Variants in NSMF observed in about 807,000 individuals in gnomAD.
The protein encoded by NSMF is NMDA receptor synaptonuclear signaling and neuronal migration factor, also known as nasal embryonic LHRH factor.
Under a neutral mutation model 71.0 loss-of-function variants are expected in NSMF, and 31 were observed. That is an observed-to-expected ratio of 0.44 (90% CI 0.33 to 0.59). The LOEUF (loss-of-function observed/expected upper bound fraction) is 0.59. NSMF is among the 20% of genes least tolerant of loss of function. The pLI is 0.04. For missense variants in NSMF, 673 were observed against 740.5 expected (o/e 0.91, Z 1.06); for synonymous variants, 345 against 287.1 (o/e 1.20, Z -2.04).
At chr9:137,458,577 AGGCCAC>A (rs1392847467) in intron 1 of NSMF, 28 bp from the exon 2 acceptor site, 3 of 1,571,718 alleles carry the variant, frequency 1.9e-6, no homozygotes, top group Non-Finnish European at 2.6e-6. Flanking sequence ...GCACGGTCAG[AGGCCAC>A]GGCACGACCC....
rs1057052357 is a variant in NSMF, at chr9:137,453,469, G to A, written c.922+262C>T. On this transcript the variant is annotated intron_variant, in intron 8 of 15. Transcript: ENST00000371475. The surrounding 1 kb of genome is among the most constrained non-coding windows in gnomAD (Gnocchi z 4.5). Reference sequence around the variant, plus strand: ...CTGGGAGGGAGTGGGGGCGGGCACCGCAGCCCCCTGCCCCTGAGGGCCTCT... The same window carrying A: ...CTGGGAGGGAGTGGGGGCGGGCACCACAGCCCCCTGCCCCTGAGGGCCTCT... 11 of 597,906 alleles carry A rather than the reference G, an allele frequency of 1.8e-5. No individual in the cohort carries two copies. In the African/African-American group the frequency reaches 1.9e-4, roughly 10 times the overall value. The allele number at this position is 597,906 out of a possible 1,614,324, so 37.0% of individuals were successfully genotyped here. A position where few individuals can be genotyped will look rare whatever the true frequency, so the allele number is the denominator to read the frequency against.
chr9:137,449,995 G>A lies in NSMF; in HGVS notation c.1347C>T (p.Ser449=), dbSNP rs201898743. 5.8e-4 allele frequency: 936 copies of A among 1,613,132 alleles called. 23 individuals are homozygous for A. The South Asian group carries it at 9.6e-3, about 17-fold the overall frequency. The change falls in exon 14 of 16, where the codon AGC becomes AGT. Residue 449 remains serine (S), a synonymous_variant. Coordinates refer to ENST00000371475, the MANE Select transcript of NSMF (RefSeq NM_001130969.3). ...TGACGTTCGGCTCTGGGTTCACTTT[G>A]CTCATCAGGCGGCTCAGCCGCTTCC... ...HFWKRLSRLM[S]KVNPEPNVIH...
Position 137,450,818 on chromosome 9 carries a change from C to T in NSMF, c.1237-563G>A, listed in dbSNP as rs142136204. 1.2e-3 allele frequency among the ~76,000 whole-genome samples: 35 copies of T among 30,128 alleles called. 1 individual carries two copies. Among genetic ancestry groups the T allele is most frequent in the Middle Eastern group, 0.024 (2 of 84 alleles). The allele number at this position is 30,128 out of a possible 152,430, so 19.8% of individuals were successfully genotyped here. A position where few individuals can be genotyped will look rare whatever the true frequency, so the allele number is the denominator to read the frequency against. ...ACACGCTCTTCTCCTTGATCTCCCC[C>T]CAATGCCTCTTCCCCTTGACCTGCC... On this transcript the variant is annotated intron_variant, in intron 12 of 15. Transcript: ENST00000371475.
Position 137,449,093 on chromosome 9 carries a change from C to A in NSMF, c.*301G>T. On this transcript the variant is annotated 3_prime_UTR_variant, in exon 16 of 16. Coordinates refer to ENST00000371475, the MANE Select transcript of NSMF (RefSeq NM_001130969.3). ...GAAATTGCACTTATTTCTATGAACC[C>A]CATGGAGGGATGCCCACAGCTGAGC... 1.8e-6 allele frequency: 1 copy of A among 546,548 alleles called. No individual in the cohort carries two copies. The allele number at this position is 546,548 out of a possible 1,614,324, so 33.9% of individuals were successfully genotyped here.
intron 6 of NSMF, 120 bp downstream of exon 6, chr9:137,455,119 G>A (rs1445010998): frequency 5.4e-6 from 6 of 1,101,542 alleles, no homozygotes; most frequent in African/African-American, 3.1e-5. Context: ...CCCAGAGCAG[G>A]GCCAGGCCAG....
chr9:137,449,912 G>T lies in NSMF; in HGVS notation c.1419+11C>A. 2 of 1,605,400 alleles carry T rather than the reference G, an allele frequency of 1.2e-6. No individual in the cohort carries two copies. The highest frequency in any genetic ancestry group is 1.7e-6 in the Non-Finnish European group (2 of 1,173,058). Reference sequence around the variant, plus strand: ...CCAGAGGTCTGGGGTGGGGCTTGGGGGTCACTGTACCTTCTCTCCATTGGG... The same window carrying T: ...CCAGAGGTCTGGGGTGGGGCTTGGGTGTCACTGTACCTTCTCTCCATTGGG... On this transcript the variant is annotated intron_variant, in intron 14 of 15. Transcript: ENST00000371475.
chr9:137,454,520 T>G (rs780710166), intron 6 of NSMF, 77 bp from the exon 7 acceptor site: 1 of 1,549,362 alleles, frequency 6.5e-7, no homozygotes, highest in Non-Finnish European at 8.7e-7. Flanking sequence ...CCCCGTCGGG[T>G]CATGGCTCTA....
chr9:137,453,986 G>A lies in NSMF; in HGVS notation c.833-166C>T, dbSNP rs1830691166. ...GGACCAGAGGCTCGGTTGGTTCAGGGGCAGGATCTGAGAACACTGGGGCAG... is the reference window on the plus strand; with the variant it reads ...GGACCAGAGGCTCGGTTGGTTCAGGAGCAGGATCTGAGAACACTGGGGCAG... On this transcript the variant is annotated intron_variant, in intron 7 of 15. Coordinates refer to ENST00000371475, the MANE Select transcript of NSMF (RefSeq NM_001130969.3). This position sits in a 1 kb window ranked among gnomAD's most constrained non-coding sequence, Gnocchi z 4.5. 6.6e-6 allele frequency among the ~76,000 whole-genome samples: 1 copy of A among 151,982 alleles called. No homozygotes were observed.
In NSMF at chr9:137,449,638, T is replaced by C; in HGVS notation, c.1456A>G (p.Arg486Gly). The change falls in exon 15 of 16, where the codon AGG becomes GGG. Residue 486 changes from arginine to glycine, a missense_variant. Arg to Gly is a moderately radical substitution (Grantham distance 125). Around this residue, in one of 2 missense-constraint regions of NSMF, gnomAD observed 202 missense variants for 280.8 expected, o/e 0.72. Transcript: ENST00000371475. Reference protein sequence around the residue: ...QNLRTLMTPYRVTFESPLELS... With the variant: ...QNLRTLMTPYGVTFESPLELS... Reference sequence around the variant, plus strand: ...TCCAGGGGTGACTCGAAGGTGACCCTATAAGGAGTCATGAGGGTCCTGAGG... The same window carrying C: ...TCCAGGGGTGACTCGAAGGTGACCCCATAAGGAGTCATGAGGGTCCTGAGG... 3 of 1,612,566 alleles carry C rather than the reference T, an allele frequency of 1.9e-6. No homozygotes were observed. The highest frequency in any genetic ancestry group is 2.5e-6 in the Non-Finnish European group (3 of 1,179,746).
chr9:137,458,735 G>A (rs558323324), intron 1 of NSMF, among the ~76,000 whole-genome samples, 186 bp from the exon 2 acceptor site: 1 of 152,136 alleles, frequency 6.6e-6, no homozygotes, highest in Non-Finnish European at 1.5e-5. Flanking sequence ...CTGCAGGCCC[G>A]GCCCCTGCCC....
chr9:137,454,396 G>T lies in NSMF; in HGVS notation c.827C>A (p.Ala276Asp). ...CCCGCCGCACGGGGTCTTACTCTGGGCCTTCACCCTCCGGCTGCCGACCAT... is the reference window on the plus strand; with the variant it reads ...CCCGCCGCACGGGGTCTTACTCTGGTCCTTCACCCTCCGGCTGCCGACCAT... ...LRMVGSRRVK[A>D]QTFAERRERS... Residue 276 changes from alanine to aspartate, a missense_variant, in exon 7 of 16, where the codon GCC becomes GAC. Ala to Asp is a moderately radical substitution (Grantham distance 126). Around this residue, in one of 2 missense-constraint regions of NSMF, gnomAD observed 471 missense variants for 459.6 expected, o/e 1.02. Transcript: ENST00000371475. The T allele has an allele frequency of 6.5e-7, 1 of 1,550,242 alleles. No homozygotes were observed. Among genetic ancestry groups the T allele is most frequent in the Non-Finnish European group, 8.7e-7 (1 of 1,146,868 alleles).
In NSMF at chr9:137,453,611, A is replaced by G. The variant is rs1019207575; in HGVS notation, c.922+120T>C. 4.0e-6 allele frequency: 3 copies of G among 741,370 alleles called. No individual in the cohort carries two copies. Among genetic ancestry groups the G allele is most frequent in the Non-Finnish European group, 6.5e-6 (3 of 464,424 alleles). 45.9% of individuals were successfully genotyped at this position (741,370 alleles called of 1,614,324 possible). ...GGGCGTCCCCATCTCACAAACAGGT[A>G]AACCAAGATTCAGGAGTGCAAAAGC... is the stretch of plus-strand genomic sequence containing the variant. On this transcript the variant is annotated intron_variant, in intron 8 of 15. Transcript: ENST00000371475. The surrounding 1 kb of genome is among the most constrained non-coding windows in gnomAD (Gnocchi z 4.5).
At chr9:137,456,508 G>C (rs528113514) in intron 3 of NSMF, 22 bp from the exon 4 acceptor site, 1 of 1,539,444 alleles carries the variant, frequency 6.5e-7, no homozygotes, top group Non-Finnish European at 9.0e-7. Flanking sequence ...AAAAAGGAGC[G>C]GTGGCTGGGT....
Position 137,453,659 on chromosome 9 carries a change from G to T in NSMF, c.922+72C>A. On this transcript the variant is annotated intron_variant, in intron 8 of 15. Coordinates refer to ENST00000371475, the MANE Select transcript of NSMF (RefSeq NM_001130969.3). This position sits in a 1 kb window ranked among gnomAD's most constrained non-coding sequence, Gnocchi z 4.5. ...AGCGCAGCCCAGCGGCCCTGGCAGGGGACCCCCAGCAGGGGTCTGGGGTCT... is the reference window on the plus strand; with the variant it reads ...AGCGCAGCCCAGCGGCCCTGGCAGGTGACCCCCAGCAGGGGTCTGGGGTCT... 8.1e-7 allele frequency: 1 copy of T among 1,233,864 alleles called. No individual in the cohort carries two copies. Among genetic ancestry groups the T allele is most frequent in the African/African-American group, 1.5e-5 (1 of 66,010 alleles). The allele number at this position is 1,233,864 out of a possible 1,614,324, so 76.4% of individuals were successfully genotyped here. A position where few individuals can be genotyped will look rare whatever the true frequency, so the allele number is the denominator to read the frequency against.
rs2132021424 is a variant in NSMF at position 137,458,234 on chromosome 9, G to A, written c.133+254C>T. Among the ~76,000 whole-genome samples, 2 of 152,334 alleles carry A rather than the reference G, an allele frequency of 1.3e-5. 1 individual carries two copies. The highest frequency in any genetic ancestry group is 4.1e-4 in the South Asian group (2 of 4,834). On this transcript the variant is annotated intron_variant, in intron 2 of 15. Transcript: ENST00000371475. ...CCAGCTGGCCCCCAGAGGCAGTGGT[G>A]CCAGCCCTGGGGGAGCCAGGAGGCC...
At chr9:137,449,838 T>C (rs1839826176) in intron 14 of NSMF, 85 bp downstream of exon 14, 2 of 1,386,234 alleles carry the variant, frequency 1.4e-6, no homozygotes, top group African/African-American at 1.4e-5. Flanking sequence ...GGAAAAAAAA[T>C]GCCAGGAAAC....
intron 12 of NSMF, 74 bp from the exon 13 acceptor site, chr9:137,450,329 C>T: frequency 7.1e-6 from 9 of 1,270,138 alleles, no homozygotes; most frequent in Middle Eastern, 1.8e-4. Context: ...CACGCACATG[C>T]GTGGGAGGTA....
intron 3 of NSMF, among the ~76,000 whole-genome samples, chr9:137,456,854 T>G (rs1034425825): frequency 6.6e-6 from 1 of 152,196 alleles, no homozygotes; most frequent in Non-Finnish European, 1.5e-5. Flanking sequence ...GCAGCCCCCA[T>G]GCTCTAGCTG....
chr9:137,452,852 G>A (rs985338358), intron 9 of NSMF, 33 bp from the exon 10 acceptor site: 8 of 1,579,660 alleles, frequency 5.1e-6, no homozygotes, highest in African/African-American at 4.0e-5. Context: ...AGGGGCCCCA[G>A]GCCCATCCAA....
Sources: gnomAD v4.1 joint callset for allele counts (sites outside exome capture counted in the v4.1 genomes callset) on GRCh38, gnomAD v4.1.1 for gene constraint, gnomAD v4.1.1 regional missense constraint, Gnocchi (gnomAD v3.1) non-coding constraint, MANE v1.5 for transcripts, NCBI Gene and HGNC (gene_info 2026-07-23, HGNC 2026-07-21) for gene names.